PDE1C: variants seen among roughly 807,000 people sequenced by gnomAD.
The protein encoded by PDE1C is phosphodiesterase 1C, also known as dual specificity calcium/calmodulin-dependent 3',5'-cyclic nucleotide phosphodiesterase 1C.
A neutral mutation model predicts 93.1 loss-of-function variants in PDE1C; 62 were observed. That is an observed-to-expected ratio of 0.67 (90% CI 0.54 to 0.82). The LOEUF (loss-of-function observed/expected upper bound fraction) is 0.82, where lower values mean the gene tolerates loss of function less well. Among genes scored for constraint, PDE1C ranks in the 40% least tolerant of loss-of-function variants. The pLI is 0.00. For synonymous variants in PDE1C, 325 were observed against 310.1 expected (o/e 1.05, Z -0.50); for missense variants, 742 against 884.6 (o/e 0.84, Z 2.04).
intron 2 of PDE1C, among the ~76,000 whole-genome samples, chr7:31,905,576 A>G (rs1800492256): frequency 6.6e-6 from 1 of 152,198 alleles, no homozygotes; most frequent in South Asian, 2.1e-4. Context: ...ATCTTCTTTT[A>G]AAGCCCCTGT....
At chr7:31,873,525 TCAAA>T (rs1342321952) in intron 5 of PDE1C, 117 bp from the exon 6 acceptor site, 1 of 659,526 alleles carries the variant, frequency 1.5e-6, no homozygotes, top group Non-Finnish European at 2.7e-6. Context: ...AGTGTGACAC[TCAAA>T]CAGACTTTCC....
chr7:32,160,045 C>T (rs746878933), intron 3 of PDE1C, among the ~76,000 whole-genome samples: 1 of 152,036 alleles, frequency 6.6e-6, no homozygotes, highest in Admixed American at 6.6e-5. Context: ...GAATCAAAAC[C>T]AGACCATCCT....
intron 1 of PDE1C, among the ~76,000 whole-genome samples, chr7:32,066,454 GC>G (rs770291657): frequency 6.6e-6 from 1 of 152,052 alleles, no homozygotes; most frequent in Non-Finnish European, 1.5e-5. Flanking sequence ...TCATAGTTGG[GC>G]AAAATAAATA....
chr7:32,085,422 G>A (rs1368507647), intron 3 of PDE1C, among the ~76,000 whole-genome samples: 1 of 145,804 alleles, frequency 6.9e-6, no homozygotes, highest in African/African-American at 2.6e-5. Context: ...TCTACCAGAG[G>A]TACAAGGAGG....
At chr7:32,393,048 CAAAA>C (rs35905868) in intron 1 of PDE1C, among the ~76,000 whole-genome samples, 2 of 48,508 alleles carry the variant, frequency 4.1e-5, no homozygotes, top group African/African-American at 7.9e-5. Context: ...GACTCTGTCT[CAAAA>C]AAAAAAAAAA....
At chr7:32,186,397 C>T (rs537577140) in intron 2 of PDE1C, among the ~76,000 whole-genome samples, 25 of 152,218 alleles carry the variant, frequency 1.6e-4, no homozygotes, top group Non-Finnish European at 2.6e-4. Context: ...CCACCGCGCC[C>T]GGCCCTAATT....
chr7:31,862,640 C>T (rs185625520), intron 7 of PDE1C, among the ~76,000 whole-genome samples: 7 of 152,268 alleles, frequency 4.6e-5, no homozygotes, highest in East Asian at 1.9e-4. Context: ...ATCCCATTCA[C>T]GACAGCTCCA....
intron 11 of PDE1C, among the ~76,000 whole-genome samples, chr7:31,835,686 G>C (rs1312551556): frequency 6.6e-6 from 1 of 151,386 alleles, no homozygotes; most frequent in Non-Finnish European, 1.5e-5. Context: ...ATAAATCACA[G>C]ATAAGACCAT....
At chr7:32,167,482 T>C (rs912496208) in intron 3 of PDE1C, among the ~76,000 whole-genome samples, 3 of 152,098 alleles carry the variant, frequency 2.0e-5, no homozygotes, top group Non-Finnish European at 4.4e-5. Context: ...AAGCTGGTGA[T>C]AAAAATGCCT....
At chr7:31,942,852 C>G (rs1016411947) in intron 2 of PDE1C, among the ~76,000 whole-genome samples, 9 of 152,144 alleles carry the variant, frequency 5.9e-5, no homozygotes, top group African/African-American at 2.2e-4. Context: ...TTTCTTCATT[C>G]ACTGAGGGAA....
chr7:31,749,184 G>T (rs1312085769), downstream of PDE1C, among the ~76,000 whole-genome samples: 1 of 152,006 alleles, frequency 6.6e-6, no homozygotes, highest in Non-Finnish European at 1.5e-5. Context: ...AAGAGAATTT[G>T]CATTCTCTAA....
intron 1 of PDE1C, among the ~76,000 whole-genome samples, chr7:32,323,900 G>T (rs215630): frequency 0.85 from 129,346 of 152,042 alleles, 55,259 homozygotes; most frequent in Admixed American, 0.89. Context: ...AATACAACCT[G>T]TCCCATCGCA....
the PDE1C span, among the ~76,000 whole-genome samples, chr7:31,648,746 T>C: frequency 2.0e-5 from 3 of 152,174 alleles, no homozygotes; most frequent in Non-Finnish European, 4.4e-5. Flanking sequence ...GGTTACCTGA[T>C]GGGAAGCTAC....
the PDE1C span, among the ~76,000 whole-genome samples, chr7:31,683,711 T>C: frequency 3.9e-5 from 6 of 152,214 alleles, no homozygotes. Context: ...TGGAGCCTCA[T>C]CACTCATCAG....
intron 2 of PDE1C, among the ~76,000 whole-genome samples, chr7:32,184,356 T>C (rs1803686363): frequency 6.6e-6 from 1 of 152,194 alleles, no homozygotes; most frequent in Non-Finnish European, 1.5e-5. Flanking sequence ...CACACGTATG[T>C]TTATTGCATC....
At chr7:32,303,148 T>C (rs1812918248), upstream of PDE1C, among the ~76,000 whole-genome samples, 1 of 152,174 alleles carries the variant, frequency 6.6e-6, no homozygotes, top group South Asian at 2.1e-4. Context: ...TTCCAGCTGG[T>C]ATCTGAAAAT....
rs942667493 is a variant in PDE1C, at chr7:31,998,176, T to C, written c.128+53378A>G. On this transcript the variant is annotated intron_variant, in intron 2 of 17. Coordinates refer to ENST00000396191, the MANE Select transcript of PDE1C (RefSeq NM_001191057.4). ...CTGGGACTACAGGTGCCTGCCACTA[T>C]GCCCAGCTAATTTTTTGTATTTTTA... Among the ~76,000 whole-genome samples the C allele has an allele frequency of 2.0e-4, 30 of 152,048 alleles. 1 individual carries two copies. The highest frequency in any genetic ancestry group is 3.4e-3 in the Middle Eastern group (1 of 294).
chr7:31,871,425 C>A (rs1206029103), intron 6 of PDE1C, among the ~76,000 whole-genome samples: 3 of 152,008 alleles, frequency 2.0e-5, no homozygotes, highest in Admixed American at 1.3e-4. Context: ...AGTAAAGAGA[C>A]AACCTGTTAA....
intron 16 of PDE1C, among the ~76,000 whole-genome samples, chr7:31,780,009 G>A (rs1783285837): frequency 6.6e-6 from 1 of 152,152 alleles, no homozygotes; most frequent in African/African-American, 2.4e-5. Flanking sequence ...CCCACCACAT[G>A]GAACTGGTTC....
Sources: gnomAD v4.1 joint callset for allele counts (sites outside exome capture counted in the v4.1 genomes callset) on GRCh38, gnomAD v4.1.1 for gene constraint, MANE v1.5 for transcripts, NCBI Gene and HGNC (gene_info 2026-07-23, HGNC 2026-07-21) for gene names.